BMP2K: variants seen among roughly 807,000 people sequenced by gnomAD.
BMP2K encodes BMP-2-inducible protein kinase.
In BMP2K, 74 loss-of-function variants were observed where a neutral mutation model predicts 116.0. That is an observed-to-expected ratio of 0.64 (90% CI 0.53 to 0.77). BMP2K has a LOEUF of 0.77. BMP2K is among the 30% of genes least tolerant of loss of function. The pLI is 0.00. For missense variants in BMP2K, 1,365 were observed against 1,403.6 expected (o/e 0.97, Z 0.44); for synonymous variants, 486 against 502.5 (o/e 0.97, Z 0.44).
intron 1 of BMP2K, among the ~76,000 whole-genome samples, chr4:78,817,252 A>G (rs1016049989): frequency 3.9e-5 from 6 of 152,216 alleles, no homozygotes; most frequent in Non-Finnish European, 7.3e-5. Flanking sequence ...TCTGACACTT[A>G]ACTGTTCAGA....
chr4:78,778,709 TAATA>T (rs1438630472), intron 1 of BMP2K, among the ~76,000 whole-genome samples: 1 of 152,212 alleles, frequency 6.6e-6, no homozygotes, highest in Admixed American at 6.5e-5. Context: ...TCTCCCTTCC[TAATA>T]AATAGTGCCA....
rs114248105 is a variant in BMP2K, at chr4:78,888,943, C to T, written c.2062+1659C>T. Among the ~76,000 whole-genome samples the T allele has an allele frequency of 4.5e-3, 684 of 152,186 alleles. 2 individuals are homozygous for T. The highest frequency in any genetic ancestry group is 0.016 in the African/African-American group (644 of 41,530). The stretch of plus-strand genomic sequence containing the variant: ...TTAAAAAAAATGCCCATTAATGGGC[C>T]GGGCGCGGTGGCTTGCGCCTGTAAT... On this transcript the variant is annotated intron_variant, in intron 15 of 15. Coordinates refer to ENST00000502613, the MANE Select transcript of BMP2K (RefSeq NM_198892.2).
chr4:78,789,687 GT>G (rs1360099208), intron 1 of BMP2K, among the ~76,000 whole-genome samples: 4 of 152,200 alleles, frequency 2.6e-5, no homozygotes, highest in Admixed American at 2.6e-4. Flanking sequence ...AATTTTAAAA[GT>G]TTAAATTCCA....
intron 2 of BMP2K, among the ~76,000 whole-genome samples, chr4:78,832,680 A>G (rs1730267423): frequency 6.6e-6 from 1 of 152,034 alleles, no homozygotes; most frequent in Non-Finnish European, 1.5e-5. Context: ...AATTTGTATG[A>G]TTTTGAGAGA....
intron 6 of BMP2K, among the ~76,000 whole-genome samples, chr4:78,847,554 T>C (rs1168287208): frequency 6.6e-6 from 1 of 151,512 alleles, no homozygotes; most frequent in Non-Finnish European, 1.5e-5. Context: ...GTGTTAACAT[T>C]TTTTTTGAGT....
chr4:78,894,215 A>G (rs754373470), intron 15 of BMP2K, among the ~76,000 whole-genome samples: 1 of 152,202 alleles, frequency 6.6e-6, no homozygotes, highest in Non-Finnish European at 1.5e-5. Context: ...AAAGTCACCA[A>G]TTGCATTAGC....
Position 78,915,050 on chromosome 4 carries a change from T to C in BMP2K, c.*3017T>C, listed in dbSNP as rs1470587715. ...CACAAAAATTGCATGGTAAGTATAA[T>C]AGGTGGAGGAGGAAAGGTTGTAGGC... On this transcript the variant is annotated 3_prime_UTR_variant, in exon 16 of 16. Transcript: ENST00000502613. 1 of 152,004 alleles carries C rather than the reference T, an allele frequency of 6.6e-6. No individual in the cohort carries two copies. The highest frequency in any genetic ancestry group is 1.5e-5 in the Non-Finnish European group (1 of 67,940). The allele number at this position is 152,004 out of a possible 1,614,324, so 9.4% of individuals were successfully genotyped here.
At chr4:78,836,334 G>A (rs1043066010) in intron 3 of BMP2K, among the ~76,000 whole-genome samples, 15 of 151,672 alleles carry the variant, frequency 9.9e-5, no homozygotes, top group African/African-American at 3.1e-4. Context: ...GGAGAATGGC[G>A]TGAACCGGGG....
intron 10 of BMP2K, among the ~76,000 whole-genome samples, chr4:78,867,547 T>A (rs1560536378): frequency 1.3e-5 from 2 of 152,198 alleles, no homozygotes; most frequent in African/African-American, 4.8e-5. Context: ...TGCATTTTTT[T>A]TTAACATTTC....
At chr4:78,839,891 G>A (rs28542833) in intron 3 of BMP2K, among the ~76,000 whole-genome samples, 83 of 152,198 alleles carry the variant, frequency 5.5e-4, no homozygotes, top group African/African-American at 1.8e-3. Context: ...CAGATTAAGG[G>A]TGGGTCTGCC....
At chr4:78,879,730 T>C (rs1008368940) in intron 14 of BMP2K, 7 of 152,188 alleles carry the variant, frequency 4.6e-5, no homozygotes, top group African/African-American at 1.7e-4. Flanking sequence ...TAATAATCCC[T>C]AGTTTATAGT....
At chr4:78,786,924 T>A (rs186662660) in intron 1 of BMP2K, among the ~76,000 whole-genome samples, 1 of 152,314 alleles carries the variant, frequency 6.6e-6, no homozygotes, top group East Asian at 1.9e-4. Context: ...TCATTATTTT[T>A]AAAATATTTG....
intron 13 of BMP2K, among the ~76,000 whole-genome samples, chr4:78,874,583 T>C (rs1732542371): frequency 6.6e-6 from 1 of 152,206 alleles, no homozygotes. Flanking sequence ...AGTTGGAAAA[T>C]AGAAAAGATA....
intron 15 of BMP2K, among the ~76,000 whole-genome samples, chr4:78,909,470 G>T (rs765245765): frequency 8.6e-5 from 13 of 151,968 alleles, no homozygotes; most frequent in Non-Finnish European, 1.6e-4. Flanking sequence ...GCTTATCATG[G>T]CCTTAGAGGA....
rs758640857 is a variant in BMP2K at position 78,833,694 on chromosome 4, A to G, written c.403+7A>G. On this transcript the variant is annotated splice_region_variant and intron_variant, in intron 3 of 15. Coordinates refer to ENST00000502613, the MANE Select transcript of BMP2K (RefSeq NM_198892.2). ...TTAATGGAATATTGTCGAGGTAAGT[A>G]TTTTTTTGCATTTGTACTGTAATAA... is the stretch of plus-strand genomic sequence containing the variant. 3.8e-6 allele frequency: 6 copies of G among 1,579,490 alleles called. No individual in the cohort carries two copies. The highest frequency in any genetic ancestry group is 2.3e-5 in the South Asian group (2 of 86,656).
chr4:78,859,574 A>C lies in BMP2K; in HGVS notation c.884-10A>C, dbSNP rs757724926. On this transcript the variant is annotated splice_polypyrimidine_tract_variant and intron_variant, in intron 7 of 15. Coordinates refer to ENST00000502613, the MANE Select transcript of BMP2K (RefSeq NM_198892.2). ...ATAAAACTTCTTAACATTTTGATCTATTCTTGCAGGGTTCATGCTTGAACC... is the reference window on the plus strand; with the variant it reads ...ATAAAACTTCTTAACATTTTGATCTCTTCTTGCAGGGTTCATGCTTGAACC... 1 of 1,584,048 alleles carries C rather than the reference A, an allele frequency of 6.3e-7. No individual in the cohort carries two copies. The highest frequency in any genetic ancestry group is 1.1e-5 in the South Asian group (1 of 88,292).
chr4:78,826,224 G>A, intron 2 of BMP2K, 69 bp downstream of exon 2: 1 of 1,201,118 alleles, frequency 8.3e-7, no homozygotes, highest in Non-Finnish European at 1.2e-6. Context: ...TTGGGATGGA[G>A]TGCAGTGGAG....
At position 78,912,025 on chromosome 4, in the gene BMP2K, A is replaced by C. The variant is rs771630969; in HGVS notation, c.3478A>C (p.Lys1160Gln). 8.1e-6 allele frequency: 13 copies of C among 1,605,838 alleles called. No homozygotes were observed. The highest frequency in any genetic ancestry group is 1.1e-5 in the Non-Finnish European group (13 of 1,175,018). The change falls in exon 16 of 16, where the codon AAA becomes CAA. Residue 1160 changes from lysine (K) to glutamine (Q), a missense_variant. Lys to Gln is a moderately conservative substitution (Grantham distance 53). This residue lies in a region of BMP2K where 596 missense variants were observed against 623.2 expected (regional missense o/e 0.96). Coordinates refer to ENST00000502613, the MANE Select transcript of BMP2K (RefSeq NM_198892.2). ...DPFGAAPFPSKQ is the reference protein window; with the variant it reads ...DPFGAAPFPSQQ ...ATTTGGTGCTGCTCCATTTCCTTCT[A>C]AACAGTAGATACTTCTGATGGATTC...
In BMP2K at chr4:78,911,603, G is replaced by T; in HGVS notation, c.3056G>T (p.Arg1019Leu). 2 of 1,613,880 alleles carry T rather than the reference G, an allele frequency of 1.2e-6. No individual in the cohort carries two copies. The highest frequency in any genetic ancestry group is 2.2e-5 in the East Asian group (1 of 44,870). The change falls in exon 16 of 16, where the codon CGC becomes CTC. Residue 1019 changes from arginine to leucine, a missense_variant. Physicochemically the swap from Arg to Leu is moderately radical, Grantham distance 102. Around this residue, in one of 3 missense-constraint regions of BMP2K, gnomAD observed 596 missense variants for 623.2 expected, o/e 0.96. Transcript: ENST00000502613. Reference protein sequence around the residue: ...KPTYRTPERARRHKKVGRRDS... With the variant: ...KPTYRTPERALRHKKVGRRDS... ...ACCTATCGCACTCCAGAGAGGGCTCGCAGGCACAAAAAAGTGGGCCGCCGA... is the reference window on the plus strand; with the variant it reads ...ACCTATCGCACTCCAGAGAGGGCTCTCAGGCACAAAAAAGTGGGCCGCCGA...
Sources: gnomAD v4.1 joint callset for allele counts (sites outside exome capture counted in the v4.1 genomes callset) on GRCh38, gnomAD v4.1.1 for gene constraint, gnomAD v4.1.1 regional missense constraint, MANE v1.5 for transcripts, NCBI Gene and HGNC (gene_info 2026-07-23, HGNC 2026-07-21) for gene names.